The following TEK variants were observed in gnomAD, a reference collection of about 807,000 sequenced individuals.
TEK encodes the protein TEK receptor tyrosine kinase, also known as angiopoietin-1 receptor.
TEK carries 43 observed loss-of-function variants against 131.8 expected under a neutral mutation model. The ratio of observed to expected loss-of-function variants is 0.33; its 90% CI spans 0.26 to 0.42. The LOEUF is 0.42. Among genes scored for constraint, TEK ranks in the 10% least tolerant of loss-of-function variants. The pLI, the probability that TEK is intolerant of heterozygous loss-of-function variation, is 1.00. For missense variants in TEK, 1,162 were observed against 1,384.4 expected (o/e 0.84, Z 2.55); for synonymous variants, 580 against 491.6 (o/e 1.18, Z -2.38).
At chr9:27,189,908 A>G (rs887188905) in intron 9 of TEK, among the ~76,000 whole-genome samples, 1 of 152,194 alleles carries the variant, frequency 6.6e-6, no homozygotes, top group African/African-American at 2.4e-5. Flanking sequence ...AGAAAGACCA[A>G]TATCAAATAA....
At position 27,184,588 on chromosome 9, in the gene TEK, T is replaced by C. The variant is rs551621287; in HGVS notation, c.1183-897T>C. Reference sequence around the variant, plus strand: ...CCAATTGATGGCTTCCAAAATCTTATTGGCTTTTTCATGAGTTAATGAAAG... The same window carrying C: ...CCAATTGATGGCTTCCAAAATCTTACTGGCTTTTTCATGAGTTAATGAAAG... On this transcript the variant is annotated intron_variant, in intron 8 of 22. Coordinates refer to ENST00000380036, the MANE Select transcript of TEK (RefSeq NM_000459.5). Among the ~76,000 whole-genome samples the C allele has an allele frequency of 7.2e-5, 11 of 152,302 alleles. No individual in the cohort carries two copies. In the East Asian group the frequency reaches 9.7e-4, roughly 13 times the overall value.
chr9:27,149,632 C>G (rs1414911577), intron 1 of TEK, among the ~76,000 whole-genome samples: 1 of 152,158 alleles, frequency 6.6e-6, no homozygotes, highest in Non-Finnish European at 1.5e-5. Context: ...TTGAGCAATT[C>G]TTGCTTATTC....
rs753220034 is a variant in TEK, at chr9:27,169,462, C to T, written c.476-15C>T. 4.6e-5 allele frequency: 75 copies of T among 1,613,606 alleles called. No individual in the cohort carries two copies. The highest frequency in any genetic ancestry group is 4.6e-5 in the Non-Finnish European group (54 of 1,179,816). ...TCAGTGTGACCTACGGTTCTTCACT[C>T]TTCCCTCTTACTAGGTTCCTTCATC... On this transcript the variant is annotated splice_polypyrimidine_tract_variant and intron_variant, in intron 3 of 22. Transcript: ENST00000380036.
intron 1 of TEK, among the ~76,000 whole-genome samples, chr9:27,127,596 A>G (rs930733149): frequency 6.6e-6 from 1 of 152,240 alleles, no homozygotes; most frequent in Non-Finnish European, 1.5e-5. Context: ...AACTCCCACC[A>G]ACAGTGTAAA....
At chr9:27,169,388 C>G in intron 3 of TEK, 89 bp from the exon 4 acceptor site, 1 of 1,563,644 alleles carries the variant, frequency 6.4e-7, no homozygotes, top group Non-Finnish European at 8.8e-7. Context: ...TTGACCATGT[C>G]AGGGAAAGCT....
intron 21 of TEK, among the ~76,000 whole-genome samples, chr9:27,224,794 A>G (rs566053914): frequency 1.3e-5 from 2 of 152,314 alleles, no homozygotes; most frequent in South Asian, 4.1e-4. Flanking sequence ...GGGCATTCAA[A>G]TAGGAAGAGA....
chr9:27,139,211 T>TCAAAAAAAAAA, intron 1 of TEK, among the ~76,000 whole-genome samples: 1 of 35,478 alleles, frequency 2.8e-5, no homozygotes. Context: ...AGACTCTGTC[T>TCAAAAAAAAAA]CAAAAAAAAA....
chr9:27,173,395 G>A (rs1227612649), intron 6 of TEK, 33 bp downstream of exon 6: 3 of 1,613,234 alleles, frequency 1.9e-6, no homozygotes, highest in Non-Finnish European at 2.5e-6. Context: ...GACAGAGGAT[G>A]TTCTAGCAGG....
At position 27,173,243 on chromosome 9, in the gene TEK, G is replaced by A; in HGVS notation, c.782G>A (p.Gly261Asp). Residue 261 changes from glycine to aspartate, a missense_variant, in exon 6 of 23, where the codon GGC (glycine) becomes GAC (aspartate). This residue lies in a region of TEK where 436 missense variants were observed against 539.1 expected (regional missense o/e 0.81). Transcript: ENST00000380036. ...AAAGCTTGTGAACTGCACACGTTTG[G>A]CAGAACTTGTAAAGAAAGGTGCAGT... ...CEKACELHTFGRTCKERCSGQ... is the reference protein window; with the variant it reads ...CEKACELHTFDRTCKERCSGQ... 6.2e-7 allele frequency: 1 copy of A among 1,613,970 alleles called. No homozygotes were observed. Among genetic ancestry groups the A allele is most frequent in the African/African-American group, 1.3e-5 (1 of 75,008 alleles).
At chr9:27,128,650 C>T (rs1055645874) in intron 1 of TEK, among the ~76,000 whole-genome samples, 24 of 152,138 alleles carry the variant, frequency 1.6e-4, no homozygotes, top group African/African-American at 2.4e-5. Flanking sequence ...TTTTTTATTT[C>T]ATTGAGCAGT....
chr9:27,201,318 A>T (rs1825204754), intron 12 of TEK, among the ~76,000 whole-genome samples: 1 of 152,200 alleles, frequency 6.6e-6, no homozygotes, highest in African/African-American at 2.4e-5. Flanking sequence ...ACAAGCTTCT[A>T]AAAGACACTG....
intron 9 of TEK, among the ~76,000 whole-genome samples, chr9:27,189,097 A>G (rs1824710387): frequency 1.3e-5 from 2 of 152,198 alleles, no homozygotes; most frequent in South Asian, 2.1e-4. Flanking sequence ...AAGGTTCTGC[A>G]TTGTATAATA....
At position 27,158,065 on chromosome 9, in the gene TEK, T is replaced by A. The variant is rs1823404089; in HGVS notation, c.287T>A (p.Ile96Asn). The A allele has an allele frequency of 1.2e-6, 2 of 1,614,084 alleles. No individual in the cohort carries two copies. Among genetic ancestry groups the A allele is most frequent in the South Asian group, 1.1e-5 (1 of 91,072 alleles). ...VVWKREKASK[I>N]NGAYFCEGRV... The stretch of plus-strand genomic sequence containing the variant: ...TGGAAGAGAGAAAAGGCTAGTAAGA[T>A]CAATGGTGCTTATTTCTGTGAAGGG... The change falls in exon 2 of 23, where the codon ATC (isoleucine) becomes AAC (asparagine). Residue 96 changes from isoleucine (I) to asparagine (N), a missense_variant. Physicochemically the swap from Ile to Asn is moderately radical, Grantham distance 149 (BLOSUM62 -3). Coordinates refer to ENST00000380036, the MANE Select transcript of TEK (RefSeq NM_000459.5).
At chr9:27,125,167 C>A (rs1236395240) in intron 1 of TEK, among the ~76,000 whole-genome samples, 1 of 152,216 alleles carries the variant, frequency 6.6e-6, no homozygotes, top group Non-Finnish European at 1.5e-5. Flanking sequence ...AGATGTGGAG[C>A]TGGAGCCAGA....
chr9:27,109,974 ATT>A (rs59552925), intron 1 of TEK, among the ~76,000 whole-genome samples: 7 of 151,494 alleles, frequency 4.6e-5, no homozygotes. Flanking sequence ...TTTCTTATTG[ATT>A]TTTTTTTTAA....
intron 3 of TEK, among the ~76,000 whole-genome samples, chr9:27,169,192 A>T (rs10967754): frequency 0.019 from 2,850 of 152,248 alleles, 49 homozygotes; most frequent in East Asian, 0.076. Flanking sequence ...TTGCCTGCCA[A>T]CTATGTTCGC....
Position 27,204,945 on chromosome 9 carries a change from T to A in TEK, c.2244T>A (p.Leu748=), listed in dbSNP as rs1825351279. ...ACCTCGGAGGGGGGAAGATGCTGCTTATAGCCATCCTTGGCTCTGCTGGAA... is the reference window on the plus strand; with the variant it reads ...ACCTCGGAGGGGGGAAGATGCTGCTAATAGCCATCCTTGGCTCTGCTGGAA... The part of the protein sequence containing the change: ...PADLGGGKML[L]IAILGSAGMT... Residue 748 remains leucine (L), a synonymous_variant, in exon 14 of 23, where the codon CTT becomes CTA. Transcript: ENST00000380036. 1 of 1,614,056 alleles carries A rather than the reference T, an allele frequency of 6.2e-7. No homozygotes were observed. The highest frequency in any genetic ancestry group is 8.5e-7 in the Non-Finnish European group (1 of 1,179,928).
intron 1 of TEK, among the ~76,000 whole-genome samples, chr9:27,151,511 C>G (rs1038472951): frequency 6.6e-6 from 1 of 152,196 alleles, no homozygotes; most frequent in African/African-American, 2.4e-5. Context: ...TCTCATCTCT[C>G]TCTTGCTTTG....
At chr9:27,176,949 A>G (rs1824193453) in intron 6 of TEK, among the ~76,000 whole-genome samples, 1 of 152,186 alleles carries the variant, frequency 6.6e-6, no homozygotes, top group Non-Finnish European at 1.5e-5. Context: ...ATTGGTCTTT[A>G]TATGCCTGGC....
Sources: gnomAD v4.1 joint callset for allele counts (sites outside exome capture counted in the v4.1 genomes callset) on GRCh38, gnomAD v4.1.1 for gene constraint, gnomAD v4.1.1 regional missense constraint, MANE v1.5 for transcripts, NCBI Gene and HGNC (gene_info 2026-07-23, HGNC 2026-07-21) for gene names.